The following MGMT variants were observed in gnomAD, a reference collection of about 807,000 sequenced individuals.
The protein encoded by MGMT is O-6-methylguanine-DNA methyltransferase.
MGMT carries 14 observed loss-of-function variants against 15.9 expected under a neutral mutation model. The ratio of observed to expected loss-of-function variants is 0.88; its 90% CI spans 0.58 to 1.37. The LOEUF is 1.37. Ranked by LOEUF, MGMT falls within the 40% of genes most tolerant of loss-of-function variation. MGMT has a pLI of 0.00. For missense variants in MGMT, 282 were observed against 268.1 expected, an observed-to-expected ratio of 1.05 and a Z score of -0.36; for synonymous variants, 130 against 118.2, an observed-to-expected ratio of 1.10 and a Z score of -0.65.
intron 1 of MGMT, among the ~76,000 whole-genome samples, chr10:129,491,600 C>T (rs1845469458): frequency 6.6e-6 from 1 of 152,056 alleles, no homozygotes; most frequent in Non-Finnish European, 1.5e-5. Context: ...GACTGTCCCT[C>T]GGATCTCTAT....
chr10:129,563,228 G>A (rs1040584018), intron 2 of MGMT, among the ~76,000 whole-genome samples: 2 of 152,184 alleles, frequency 1.3e-5, no homozygotes, highest in Non-Finnish European at 2.9e-5. Flanking sequence ...CTCTGTTTGA[G>A]TGCCTGTTAC....
At chr10:129,469,536 T>G (rs1845206863) in intron 1 of MGMT, among the ~76,000 whole-genome samples, 2 of 152,164 alleles carry the variant, frequency 1.3e-5, no homozygotes, top group East Asian at 1.9e-4. Flanking sequence ...TGACTTCCGT[T>G]TGGGACTCTA....
At chr10:129,636,251 G>A (rs1029579129) in intron 2 of MGMT, among the ~76,000 whole-genome samples, 4 of 152,156 alleles carry the variant, frequency 2.6e-5, no homozygotes, top group Admixed American at 6.5e-5. Flanking sequence ...GGTCTAGATC[G>A]TCACCTCTGA....
chr10:129,510,511 A>G (rs1845670194), intron 1 of MGMT, among the ~76,000 whole-genome samples: 1 of 152,178 alleles, frequency 6.6e-6, no homozygotes, highest in Non-Finnish European at 1.5e-5. Context: ...TATTGGCTCT[A>G]TTGGAAATTA....
intron 2 of MGMT, among the ~76,000 whole-genome samples, chr10:129,590,235 A>G (rs1036998604): frequency 2.0e-5 from 3 of 152,238 alleles, no homozygotes; most frequent in Non-Finnish European, 2.9e-5. Flanking sequence ...CATGTTTAAT[A>G]TATCTTATAA....
chr10:129,741,406 C>T (rs1465302038), intron 3 of MGMT, among the ~76,000 whole-genome samples: 2 of 152,208 alleles, frequency 1.3e-5, no homozygotes, highest in African/African-American at 2.4e-5. Flanking sequence ...AGTGGCCACG[C>T]GTGTGGTGCG....
rs1427755480 is a variant in MGMT, at chr10:129,767,153, C to T, written c.*156C>T. 3.1e-6 allele frequency: 2 copies of T among 639,556 alleles called. No individual in the cohort carries two copies. The highest frequency in any genetic ancestry group is 5.3e-6 in the Non-Finnish European group (2 of 380,618). The allele number at this position is 639,556 out of a possible 1,614,324, so 39.6% of individuals were successfully genotyped here. A position where few individuals can be genotyped will look rare whatever the true frequency, so the allele number is the denominator to read the frequency against. ...TCCATATTTTACAGCAGGATGAGTT[C>T]AGACGCCCGCGGTCCTGCACACATT... On this transcript the variant is annotated 3_prime_UTR_variant, in exon 5 of 5. Coordinates refer to ENST00000651593, the MANE Select transcript of MGMT (RefSeq NM_002412.5).
intron 2 of MGMT, among the ~76,000 whole-genome samples, chr10:129,667,172 C>T (rs375124630): frequency 1.1e-4 from 17 of 152,212 alleles, no homozygotes; most frequent in East Asian, 7.7e-4. Context: ...CAAACCATGG[C>T]GGCCCCTCAG....
intron 1 of MGMT, among the ~76,000 whole-genome samples, chr10:129,521,028 C>T (rs1845804197): frequency 6.6e-6 from 1 of 152,276 alleles, no homozygotes; most frequent in South Asian, 2.1e-4. Flanking sequence ...CAGGCTTGCC[C>T]CGCCACCTGC....
chr10:129,729,581 A>G (rs1160509200), intron 3 of MGMT, among the ~76,000 whole-genome samples: 1 of 152,202 alleles, frequency 6.6e-6, no homozygotes. Context: ...GCAGGGGCTC[A>G]ATGTTGATAC....
At chr10:129,554,319 A>T (rs956420541) in intron 2 of MGMT, among the ~76,000 whole-genome samples, 2 of 150,984 alleles carry the variant, frequency 1.3e-5, no homozygotes, top group African/African-American at 4.8e-5. Flanking sequence ...CTTTTGGTGT[A>T]ATTCCTTCTA....
In MGMT at chr10:129,700,416, C is replaced by T. The variant is rs571354272; in HGVS notation, c.126-7479C>T. The stretch of plus-strand genomic sequence containing the variant: ...AGTTGCTGGCCACCACGCAGAGCCA[C>T]GGAGCAGTCACTGCCATGTTCCTTC... On this transcript the variant is annotated intron_variant, in intron 2 of 4. Transcript: ENST00000651593. 12 of 152,350 alleles carry T rather than the reference C, an allele frequency of 7.9e-5. No homozygotes were observed. The East Asian group carries it at 1.7e-3, about 22-fold the overall frequency. The allele number at this position is 152,350 out of a possible 1,614,324, so 9.4% of individuals were successfully genotyped here.
chr10:129,505,175 T>C (rs1845613387), intron 1 of MGMT, among the ~76,000 whole-genome samples: 1 of 152,114 alleles, frequency 6.6e-6, no homozygotes, highest in Admixed American at 6.5e-5. Flanking sequence ...CCAGAAATAA[T>C]AAATGGAATT....
At chr10:129,501,789 C>T (rs762900413) in intron 1 of MGMT, among the ~76,000 whole-genome samples, 23 of 152,226 alleles carry the variant, frequency 1.5e-4, no homozygotes, top group Admixed American at 9.8e-4. Flanking sequence ...GAGCAGCATT[C>T]GTGTCTGTGG....
At chr10:129,674,300 T>A (rs183827697) in intron 2 of MGMT, among the ~76,000 whole-genome samples, 140 of 152,324 alleles carry the variant, frequency 9.2e-4, no homozygotes, top group Admixed American at 2.6e-3. Flanking sequence ...TATAAACTCC[T>A]CACTGACGGT....
intron 2 of MGMT, among the ~76,000 whole-genome samples, chr10:129,537,501 A>T (rs1338283503): frequency 6.6e-6 from 1 of 152,198 alleles, no homozygotes; most frequent in Non-Finnish European, 1.5e-5. Context: ...TTGTAGGGGA[A>T]AATGTCATTT....
chr10:129,486,354 A>T (rs1845409404), intron 1 of MGMT, among the ~76,000 whole-genome samples: 1 of 151,556 alleles, frequency 6.6e-6, no homozygotes, highest in Non-Finnish European at 1.5e-5. Flanking sequence ...CGCCTGGCTA[A>T]TTTTTTGCAT....
chr10:129,646,752 A>T (rs369472768), intron 2 of MGMT, among the ~76,000 whole-genome samples: 9,084 of 81,812 alleles, frequency 0.11, 1,149 homozygotes, highest in Admixed American at 0.16. Flanking sequence ...ATATATATAT[A>T]TATTTTCAGG....
chr10:129,661,059 C>T lies in MGMT; in HGVS notation c.126-46836C>T, dbSNP rs546474026. Among the ~76,000 whole-genome samples the T allele has an allele frequency of 3.9e-5, 6 of 152,288 alleles. No individual in the cohort carries two copies. In the East Asian group the frequency reaches 1.2e-3, roughly 29 times the overall value. On this transcript the variant is annotated intron_variant, in intron 2 of 4. Transcript: ENST00000651593. ...TGTAAATATACTTCCCTGTTCTTACCTGCCTTTACCTGGAGAGTACATAGT... is the reference window on the plus strand; with the variant it reads ...TGTAAATATACTTCCCTGTTCTTACTTGCCTTTACCTGGAGAGTACATAGT...
Sources: allele counts gnomAD v4.1 joint callset (sites outside exome capture counted in the v4.1 genomes callset), GRCh38; gene constraint gnomAD v4.1.1; transcripts MANE v1.5; gene names NCBI Gene and HGNC (gene_info 2026-07-23, HGNC 2026-07-21).